The following ROBO1 variants were observed in gnomAD, a reference collection of about 807,000 sequenced individuals.
ROBO1 encodes roundabout guidance receptor 1.
A neutral mutation model predicts 195.9 loss-of-function variants in ROBO1; 149 were observed. That is an observed-to-expected ratio of 0.76 (90% confidence interval 0.67 to 0.87). The LOEUF (loss-of-function observed/expected upper bound fraction) is 0.87. Ranked by LOEUF, ROBO1 falls within the 40% of genes least tolerant of loss-of-function variation. ROBO1 has a pLI of 0.00. For missense variants in ROBO1, 1,933 were observed against 2,068.3 expected, an observed-to-expected ratio of 0.93 and a Z score of 1.27; for synonymous variants, 816 against 733.2, an observed-to-expected ratio of 1.11 and a Z score of -1.82.
chr3:79,220,460 C>A (rs2082118875), intron 2 of ROBO1, among the ~76,000 whole-genome samples: 1 of 151,996 alleles, frequency 6.6e-6, no homozygotes, highest in Non-Finnish European at 1.5e-5. Context: ...GCTGAAATAT[C>A]CATTTCTATT....
At chr3:79,083,595 T>C (rs572672753) in intron 3 of ROBO1, among the ~76,000 whole-genome samples, 1 of 152,328 alleles carries the variant, frequency 6.6e-6, no homozygotes, top group African/African-American at 2.4e-5. Flanking sequence ...CAAAATTTTA[T>C]TCTTAACTGA....
intron 5 of ROBO1, among the ~76,000 whole-genome samples, chr3:78,731,833 C>T (rs1217709006): frequency 6.6e-6 from 1 of 152,024 alleles, no homozygotes; most frequent in African/African-American, 2.4e-5. Flanking sequence ...TGTGTGTAAA[C>T]CGCTTTTGAC....
At chr3:79,525,750 C>T (rs905040367) in intron 2 of ROBO1, among the ~76,000 whole-genome samples, 139 of 151,658 alleles carry the variant, frequency 9.2e-4, no homozygotes, top group Middle Eastern at 3.4e-3. Context: ...GGATTACAGG[C>T]ATGTGCCATC....
At chr3:79,663,047 G>T (rs1213878214) in intron 1 of ROBO1, among the ~76,000 whole-genome samples, 4 of 152,070 alleles carry the variant, frequency 2.6e-5, no homozygotes, top group Non-Finnish European at 5.9e-5. Context: ...ATTCTCACAA[G>T]TGGGAGCTAA....
rs745315244 is a variant in ROBO1 at position 79,083,090 on chromosome 3, G to A, written c.172+42366C>T. On this transcript the variant is annotated intron_variant, in intron 3 of 30. Transcript: ENST00000464233. ...TGCATGCCTGTAGTCCCAGCTAGTC[G>A]GGAGGCTGAGGTGAGAGAATCACTT... Among the ~76,000 whole-genome samples the A allele has an allele frequency of 3.9e-5, 6 of 152,020 alleles. No homozygotes were observed. In the South Asian group the frequency reaches 1.2e-3, roughly 31 times the overall value.
At chr3:79,686,476 C>G (rs1210319537) in intron 1 of ROBO1, among the ~76,000 whole-genome samples, 1 of 152,122 alleles carries the variant, frequency 6.6e-6, no homozygotes, top group Non-Finnish European at 1.5e-5. Context: ...AAAACCTCAT[C>G]GTCTCAGCCC....
chr3:78,691,039 A>G (rs554713523), intron 8 of ROBO1, among the ~76,000 whole-genome samples: 1 of 152,150 alleles, frequency 6.6e-6, no homozygotes, highest in Non-Finnish European at 1.5e-5. Context: ...TCTGAAGCCA[A>G]CATCAACAGT....
intron 2 of ROBO1, among the ~76,000 whole-genome samples, chr3:79,578,295 A>T (rs998628811): frequency 2.0e-5 from 3 of 152,176 alleles, no homozygotes; most frequent in Non-Finnish European, 2.9e-5. Context: ...CAATAAAACT[A>T]AAGTTGTAAG....
chr3:79,205,277 AGCCACCAT>A (rs2081846226), intron 2 of ROBO1, among the ~76,000 whole-genome samples: 1 of 152,158 alleles, frequency 6.6e-6, no homozygotes, highest in Non-Finnish European at 1.5e-5. Flanking sequence ...TACAGGTGTG[AGCCACCAT>A]GTCCGGCCTC....
intron 2 of ROBO1, among the ~76,000 whole-genome samples, chr3:79,550,316 A>G (rs1001349082): frequency 6.6e-6 from 1 of 152,104 alleles, no homozygotes; most frequent in Admixed American, 6.6e-5. Context: ...CTACTCCTCA[A>G]TTGACACTAA....
chr3:79,613,728 G>T (rs1374604325), intron 1 of ROBO1, among the ~76,000 whole-genome samples: 1 of 152,032 alleles, frequency 6.6e-6, no homozygotes, highest in African/African-American at 2.4e-5. Context: ...CACTGGCTTT[G>T]CTTTGCCAAG....
chr3:79,347,421 T>C (rs1234013752), intron 2 of ROBO1, among the ~76,000 whole-genome samples: 3 of 152,194 alleles, frequency 2.0e-5, no homozygotes, highest in Non-Finnish European at 4.4e-5. Flanking sequence ...AGGTCATTTA[T>C]TAGCCAGCAT....
intron 2 of ROBO1, among the ~76,000 whole-genome samples, chr3:79,572,700 C>T (rs1485173132): frequency 2.0e-5 from 3 of 151,956 alleles, no homozygotes; most frequent in African/African-American, 7.2e-5. Context: ...AGTAGTAAAA[C>T]AAGAGTAAAA....
chr3:78,736,520 C>T (rs1256737201), intron 5 of ROBO1, among the ~76,000 whole-genome samples: 2 of 151,910 alleles, frequency 1.3e-5, no homozygotes, highest in African/African-American at 4.8e-5. Context: ...GTGTGTTAGA[C>T]AAAGTGGGTA....
chr3:79,187,321 C>T (rs940206460), intron 2 of ROBO1, among the ~76,000 whole-genome samples: 2 of 151,972 alleles, frequency 1.3e-5, no homozygotes, highest in African/African-American at 4.8e-5. Flanking sequence ...CTCTAAATTT[C>T]CTCCAAGTGC....
At chr3:79,244,950 A>G (rs1409735824) in intron 2 of ROBO1, among the ~76,000 whole-genome samples, 1 of 152,124 alleles carries the variant, frequency 6.6e-6, no homozygotes, top group Non-Finnish European at 1.5e-5. Context: ...TGGTTACAAC[A>G]AGACGTAAGT....
chr3:79,339,230 C>T (rs935271378), intron 2 of ROBO1, among the ~76,000 whole-genome samples: 8 of 152,144 alleles, frequency 5.3e-5, no homozygotes, highest in Admixed American at 1.3e-4. Flanking sequence ...CATAGCAGAT[C>T]GAGTGAGCAG....
At chr3:79,465,540 A>C (rs1937911955) in intron 2 of ROBO1, among the ~76,000 whole-genome samples, 1 of 152,204 alleles carries the variant, frequency 6.6e-6, no homozygotes, top group South Asian at 2.1e-4. Flanking sequence ...TGTTGGATAT[A>C]ATATACCTGT....
intron 3 of ROBO1, among the ~76,000 whole-genome samples, chr3:79,079,607 T>C (rs776191384): frequency 5.3e-5 from 8 of 151,692 alleles, no homozygotes; most frequent in Non-Finnish European, 8.9e-5. Flanking sequence ...TGATAAAATG[T>C]GTTCAATATC....
Sources: gnomAD v4.1 joint callset for allele counts (sites outside exome capture counted in the v4.1 genomes callset) on GRCh38, gnomAD v4.1.1 for gene constraint, MANE v1.5 for transcripts, NCBI Gene and HGNC (gene_info 2026-07-23, HGNC 2026-07-21) for gene names.